CLYBL: variants seen among roughly 807,000 people sequenced by gnomAD.
The protein encoded by CLYBL is citramalyl-CoA lyase.
CLYBL carries 31 observed loss-of-function variants against 38.9 expected under a neutral mutation model. The observed-to-expected ratio is 0.80, with a 90% CI of 0.60 to 1.08. The LOEUF (loss-of-function observed/expected upper bound fraction) is 1.08, where lower values mean the gene tolerates loss of function less well. CLYBL is among the 50% of genes least tolerant of loss of function. The pLI is 0.00. For missense variants in CLYBL, 434 were observed against 411.6 expected (o/e 1.05, Z -0.47); for synonymous variants, 171 against 158.6 (o/e 1.08, Z -0.59).
intron 2 of CLYBL, among the ~76,000 whole-genome samples, chr13:99,854,834 A>G (rs2051419992): frequency 6.6e-6 from 1 of 152,196 alleles, no homozygotes; most frequent in South Asian, 2.1e-4. Context: ...CTCTGAAATC[A>G]TAGCACGCCT....
intron 2 of CLYBL, among the ~76,000 whole-genome samples, chr13:99,855,420 GC>G (rs897240794): frequency 7.2e-5 from 11 of 152,290 alleles, no homozygotes; most frequent in Middle Eastern, 6.8e-3. Context: ...GCTGGGGTCA[GC>G]CAGGCAGCCT....
At chr13:99,878,991 C>A (rs1452021382) in intron 7 of CLYBL, among the ~76,000 whole-genome samples, 1 of 152,168 alleles carries the variant, frequency 6.6e-6, no homozygotes, top group Admixed American at 6.5e-5. Context: ...TCCGTGGAGA[C>A]CCAGACCTGG....
intron 1 of CLYBL, among the ~76,000 whole-genome samples, chr13:99,702,866 A>T (rs950928937): frequency 3.3e-5 from 5 of 152,218 alleles, no homozygotes; most frequent in Non-Finnish European, 7.3e-5. Flanking sequence ...TTGCTCTGCT[A>T]CATAAGAAGC....
chr13:99,736,405 T>C (rs556829068), intron 1 of CLYBL, among the ~76,000 whole-genome samples: 29 of 147,034 alleles, frequency 2.0e-4, no homozygotes, highest in African/African-American at 7.2e-4. Context: ...AAAGATGAGG[T>C]TTTTTTTTTG....
intron 2 of CLYBL, among the ~76,000 whole-genome samples, chr13:99,782,943 T>C (rs2049690824): frequency 1.4e-5 from 2 of 143,534 alleles, no homozygotes; most frequent in Admixed American, 6.9e-5. Flanking sequence ...TGTTACATTC[T>C]CAGTTAGTTC....
At chr13:99,812,483 C>T (rs1384762480) in intron 2 of CLYBL, among the ~76,000 whole-genome samples, 3 of 152,154 alleles carry the variant, frequency 2.0e-5, no homozygotes, top group Non-Finnish European at 2.9e-5. Flanking sequence ...GTGGCTGGGC[C>T]AGTATTAAAT....
chr13:99,748,429 G>GTTTTTT lies in CLYBL; in HGVS notation c.63-24372_63-24367dup, dbSNP rs1165919560. 4.1e-4 allele frequency among the ~76,000 whole-genome samples: 36 copies of GTTTTTT among 87,686 alleles called. 2 individuals are homozygous for GTTTTTT. The highest frequency in any genetic ancestry group is 8.0e-4 in the African/African-American group (15 of 18,736). The allele number at this position is 87,686 out of a possible 152,430, so 57.5% of individuals were successfully genotyped here. A position where few individuals can be genotyped will look rare whatever the true frequency, so the allele number is the denominator to read the frequency against. ...CTGGCAACTATCACTCTAGTTTTGT[G>GTTTTTT]TTTTTTTTTTTTTTTTTTTTTTTTT... On this transcript the variant is annotated intron_variant, in intron 1 of 8. Coordinates refer to ENST00000339105, the MANE Select transcript of CLYBL (RefSeq NM_206808.5).
At position 99,858,966 on chromosome 13, in the gene CLYBL, G is replaced by C; in HGVS notation, c.355G>C (p.Asp119His). 1 of 1,614,116 alleles carries C rather than the reference G, an allele frequency of 6.2e-7. No homozygotes were observed. Among genetic ancestry groups the C allele is most frequent in the Non-Finnish European group, 8.5e-7 (1 of 1,180,008 alleles). The change falls in exon 3 of 9, where the codon GAC (aspartate) becomes CAC (histidine). Residue 119 changes from aspartate to histidine, a missense_variant. By Grantham distance (81) the Asp-to-His change is moderately conservative. Transcript: ENST00000339105. ...NSVSSGLAEEDLETLLQSRVL... is the reference protein window; with the variant it reads ...NSVSSGLAEEHLETLLQSRVL... ...AGTTTCCAGTGGTCTGGCGGAAGAAGACCTAGAGACCCTTTTGCAATCCCG... is the reference window on the plus strand; with the variant it reads ...AGTTTCCAGTGGTCTGGCGGAAGAACACCTAGAGACCCTTTTGCAATCCCG...
At chr13:99,616,807 T>C (rs2139189740) in intron 1 of CLYBL, among the ~76,000 whole-genome samples, 1 of 152,070 alleles carries the variant, frequency 6.6e-6, no homozygotes, top group South Asian at 2.1e-4. Context: ...AATACAAAAA[T>C]TAGCCTGGTG....
intron 1 of CLYBL, among the ~76,000 whole-genome samples, chr13:99,719,004 G>A (rs1186294689): frequency 6.6e-6 from 1 of 151,892 alleles, no homozygotes; most frequent in Admixed American, 6.6e-5. Flanking sequence ...CACCACGCCT[G>A]GCTTATTTTG....
chr13:99,667,116 G>A (rs9585173), intron 1 of CLYBL, among the ~76,000 whole-genome samples: 2,240 of 151,878 alleles, frequency 0.015, 52 homozygotes, highest in African/African-American at 0.051. Flanking sequence ...TGCAAGTTGT[G>A]TTGAGAGGTT....
At chr13:99,697,468 C>T (rs1439085743) in intron 1 of CLYBL, among the ~76,000 whole-genome samples, 1 of 152,104 alleles carries the variant, frequency 6.6e-6, no homozygotes, top group African/African-American at 2.4e-5. Context: ...CCTCTGCCTC[C>T]CAGGTTCAAG....
At chr13:99,658,474 G>C (rs1221801919) in intron 1 of CLYBL, among the ~76,000 whole-genome samples, 1 of 152,150 alleles carries the variant, frequency 6.6e-6, no homozygotes, top group South Asian at 2.1e-4. Context: ...AGGCTGCCGG[G>C]GACTCTGACT....
chr13:99,876,420 CAAAA>C (rs35512772), intron 7 of CLYBL, among the ~76,000 whole-genome samples: 5 of 70,112 alleles, frequency 7.1e-5, no homozygotes, highest in Admixed American at 5.0e-4. Flanking sequence ...GACTCCGTCT[CAAAA>C]AAAAAAAAAA....
intron 2 of CLYBL, among the ~76,000 whole-genome samples, chr13:99,858,074 T>C (rs1270995639): frequency 6.6e-6 from 1 of 152,168 alleles, no homozygotes; most frequent in Non-Finnish European, 1.5e-5. Context: ...CCCACCTTCA[T>C]TGCCCCCAAG....
chr13:99,775,979 T>C (rs549656174), intron 2 of CLYBL, among the ~76,000 whole-genome samples: 61 of 151,526 alleles, frequency 4.0e-4, no homozygotes, highest in Middle Eastern at 3.4e-3. Context: ...CTGGCTAACA[T>C]GGTGAAACCC....
chr13:99,614,803 C>G (rs903656071), intron 1 of CLYBL, among the ~76,000 whole-genome samples: 1 of 152,128 alleles, frequency 6.6e-6, no homozygotes, highest in South Asian at 2.1e-4. Context: ...AAGATCAACT[C>G]TTTACTGCAG....
At chr13:99,608,413 C>A (rs980393310) in intron 1 of CLYBL, among the ~76,000 whole-genome samples, 5 of 152,206 alleles carry the variant, frequency 3.3e-5, no homozygotes, top group African/African-American at 4.8e-5. Flanking sequence ...TGTGACTCTT[C>A]AGTCACCCAT....
At chr13:99,902,149 C>T (rs1403179375) in intron 8 of CLYBL, among the ~76,000 whole-genome samples, 3 of 152,154 alleles carry the variant, frequency 2.0e-5, no homozygotes, top group African/African-American at 2.4e-5. Flanking sequence ...AGTATAAACT[C>T]ATAAAATGTA....
Sources: gnomAD v4.1 joint callset for allele counts (sites outside exome capture counted in the v4.1 genomes callset) on GRCh38, gnomAD v4.1.1 for gene constraint, MANE v1.5 for transcripts, NCBI Gene and HGNC (gene_info 2026-07-23, HGNC 2026-07-21) for gene names.